Variants in AUTS2 observed in about 807,000 individuals in gnomAD.
AUTS2 encodes the protein autism susceptibility gene 2 protein.
In AUTS2, 17 loss-of-function variants were observed where a neutral mutation model predicts 112.4. That is an observed-to-expected ratio of 0.15 (90% confidence interval 0.10 to 0.23). AUTS2 has a LOEUF of 0.23. Ranked by LOEUF, AUTS2 falls within the 10% of genes least tolerant of loss-of-function variation. AUTS2 has a pLI of 1.00. For synonymous variants in AUTS2, 751 were observed against 702.7 expected, an observed-to-expected ratio of 1.07 and a Z score of -1.09; for missense variants, 1,510 against 1,701.6, an observed-to-expected ratio of 0.89 and a Z score of 1.98.
intron 4 of AUTS2, among the ~76,000 whole-genome samples, chr7:70,247,050 A>G (rs1812962334): frequency 6.6e-6 from 1 of 152,118 alleles, no homozygotes; most frequent in Non-Finnish European, 1.5e-5. Flanking sequence ...AGGGACTCAA[A>G]CAGATATTTG....
intron 2 of AUTS2, among the ~76,000 whole-genome samples, chr7:70,004,102 A>T (rs369228008): frequency 3.2e-5 from 4 of 126,110 alleles, no homozygotes; most frequent in African/African-American, 8.9e-5. Flanking sequence ...GAATATATAT[A>T]ATATATATGA....
chr7:69,904,501 A>T (rs1001125591), intron 2 of AUTS2, among the ~76,000 whole-genome samples: 18 of 152,230 alleles, frequency 1.2e-4, no homozygotes, highest in Admixed American at 1.1e-3. Context: ...CATTTGAGAC[A>T]CGAATGTAAT....
chr7:69,905,514 G>T (rs1795116408), intron 2 of AUTS2, among the ~76,000 whole-genome samples: 1 of 152,172 alleles, frequency 6.6e-6, no homozygotes, highest in Non-Finnish European at 1.5e-5. Context: ...AAAGCCTAGA[G>T]AGCCTAGAGT....
chr7:69,717,227 A>G (rs1188176941), intron 1 of AUTS2, among the ~76,000 whole-genome samples: 1 of 152,238 alleles, frequency 6.6e-6, no homozygotes, highest in African/African-American at 2.4e-5. Context: ...TGGGGCAACA[A>G]GAGCCGCCTG....
chr7:69,760,049 A>G (rs1788112492), intron 1 of AUTS2, among the ~76,000 whole-genome samples: 1 of 151,838 alleles, frequency 6.6e-6, no homozygotes, highest in African/African-American at 2.4e-5. Flanking sequence ...CGAACTTGCT[A>G]ATTTTCTTCC....
At chr7:69,764,696 C>T (rs1312476323) in intron 1 of AUTS2, among the ~76,000 whole-genome samples, 3 of 152,162 alleles carry the variant, frequency 2.0e-5, no homozygotes, top group Admixed American at 2.0e-4. Flanking sequence ...TATATTTCAG[C>T]ATGCAGAAAA....
chr7:69,659,923 G>A (rs1382297710), intron 1 of AUTS2, among the ~76,000 whole-genome samples: 2 of 152,064 alleles, frequency 1.3e-5, no homozygotes, highest in African/African-American at 4.8e-5. Context: ...TAGCTTCCCT[G>A]CCCTTAGTTG....
At chr7:70,536,994 G>A (rs1344007705) in intron 5 of AUTS2, among the ~76,000 whole-genome samples, 1 of 152,190 alleles carries the variant, frequency 6.6e-6, no homozygotes, top group Non-Finnish European at 1.5e-5. Context: ...CTTCCAACCA[G>A]CTAGCTCTCT....
intron 1 of AUTS2, among the ~76,000 whole-genome samples, chr7:69,645,142 C>T (rs1794970385): frequency 1.3e-5 from 2 of 150,242 alleles, no homozygotes; most frequent in African/African-American, 2.5e-5. Context: ...AAACTTCTGA[C>T]CTCAAGTGAT....
chr7:70,680,128 G>A (rs1325872031), intron 5 of AUTS2, among the ~76,000 whole-genome samples: 1 of 152,138 alleles, frequency 6.6e-6, no homozygotes, highest in African/African-American at 2.4e-5. Context: ...GAGGGTGGAA[G>A]CAGAAGAGGT....
At chr7:70,720,406 CG>C in intron 6 of AUTS2, among the ~76,000 whole-genome samples, 1 of 152,058 alleles carries the variant, frequency 6.6e-6, no homozygotes, top group East Asian at 1.9e-4. Context: ...GATTATGCAG[CG>C]GGGGAAGAAG....
chr7:70,135,038 A>G (rs1445199139), intron 4 of AUTS2, among the ~76,000 whole-genome samples: 1 of 152,132 alleles, frequency 6.6e-6, no homozygotes, highest in East Asian at 1.9e-4. Context: ...GTTTTCCCTC[A>G]CAGTCTGGGT....
intron 5 of AUTS2, among the ~76,000 whole-genome samples, chr7:70,591,038 T>C (rs954564555): frequency 1.4e-4 from 22 of 152,294 alleles, no homozygotes; most frequent in Non-Finnish European, 2.8e-4. Flanking sequence ...ATTGGCAACA[T>C]GGGTGGCAAA....
intron 5 of AUTS2, among the ~76,000 whole-genome samples, chr7:70,480,675 CT>C (rs1797757086): frequency 6.6e-6 from 1 of 152,154 alleles, no homozygotes; most frequent in South Asian, 2.1e-4. Flanking sequence ...GATCCCATAC[CT>C]TTGTACCTGT....
At chr7:69,793,966 T>C (rs1415996428) in intron 1 of AUTS2, among the ~76,000 whole-genome samples, 1 of 152,108 alleles carries the variant, frequency 6.6e-6, no homozygotes, top group African/African-American at 2.4e-5. Flanking sequence ...AGTTGGAGAA[T>C]GCCACTCAAA....
intron 5 of AUTS2, among the ~76,000 whole-genome samples, chr7:70,502,619 T>C (rs1240235359): frequency 6.6e-6 from 1 of 152,132 alleles, no homozygotes; most frequent in African/African-American, 2.4e-5. Flanking sequence ...GTTGTTCACA[T>C]CCAGAGGTCA....
intron 1 of AUTS2, among the ~76,000 whole-genome samples, chr7:69,659,790 C>G (rs1795713909): frequency 6.6e-6 from 1 of 152,016 alleles, no homozygotes. Flanking sequence ...TAAATCCAGC[C>G]TAAAGCCATA....
At chr7:69,880,527 A>G (rs577543374) in intron 1 of AUTS2, among the ~76,000 whole-genome samples, 1 of 152,314 alleles carries the variant, frequency 6.6e-6, no homozygotes, top group East Asian at 1.9e-4. Flanking sequence ...AGATGCTTCA[A>G]ACCCCTGACT....
chr7:69,915,607 C>T (rs1288273523), intron 2 of AUTS2, among the ~76,000 whole-genome samples: 1 of 152,140 alleles, frequency 6.6e-6, no homozygotes, highest in East Asian at 1.9e-4. Context: ...ATGTTTCTGT[C>T]TAGAGGTGGA....
Sources: allele counts gnomAD v4.1 joint callset (sites outside exome capture counted in the v4.1 genomes callset), GRCh38; gene constraint gnomAD v4.1.1; transcripts MANE v1.5; gene names NCBI Gene and HGNC (gene_info 2026-07-23, HGNC 2026-07-21).